FRY: variants seen among roughly 807,000 people sequenced by gnomAD.
FRY encodes the protein FRY microtubule binding protein, also known as protein furry homolog.
In FRY, 128 loss-of-function variants were observed where a neutral mutation model predicts 348.4. The ratio of observed to expected loss-of-function variants is 0.37; its 90% CI spans 0.32 to 0.43. FRY has a LOEUF of 0.43. FRY is among the 20% of genes least tolerant of loss of function. The pLI is 1.00. For missense variants in FRY, 2,736 were observed against 3,695.2 expected (o/e 0.74, Z 6.73); for synonymous variants, 1,370 against 1,374.7 (o/e 1.00, Z 0.08).
chr13:32,297,953 G>A lies in FRY; in HGVS notation c.*2493G>A, dbSNP rs1249345696. 1 of 152,178 alleles carries A rather than the reference G, an allele frequency of 6.6e-6. No individual in the cohort carries two copies. Among genetic ancestry groups the A allele is most frequent in the African/African-American group, 2.4e-5 (1 of 41,444 alleles). 9.4% of individuals were successfully genotyped at this position (152,178 alleles called of 1,614,324 possible). Reference sequence around the variant, plus strand: ...CTGCAGAATAAAGCAATCCAGACAGGCGCTCTGTAACTTAGACATCACTTG... The same window carrying A: ...CTGCAGAATAAAGCAATCCAGACAGACGCTCTGTAACTTAGACATCACTTG... On this transcript the variant is annotated 3_prime_UTR_variant, in exon 61 of 61. Coordinates refer to ENST00000542859, the MANE Select transcript of FRY (RefSeq NM_023037.3).
At chr13:32,073,815 A>G (rs1289521328) in intron 1 of FRY, among the ~76,000 whole-genome samples, 1 of 152,210 alleles carries the variant, frequency 6.6e-6, no homozygotes, top group African/African-American at 2.4e-5. Flanking sequence ...TGTAACATCT[A>G]CGCCACCATT....
At chr13:32,121,973 A>T (rs1258215903) in intron 4 of FRY, among the ~76,000 whole-genome samples, 2 of 152,130 alleles carry the variant, frequency 1.3e-5, no homozygotes, top group East Asian at 3.9e-4. Context: ...AGAGATGAAG[A>T]TCTAGTTTCA....
At chr13:32,219,816 C>T (rs1447391829) in intron 36 of FRY, among the ~76,000 whole-genome samples, 3 of 152,148 alleles carry the variant, frequency 2.0e-5, no homozygotes, top group Non-Finnish European at 4.4e-5. Context: ...ATGCTGCTCA[C>T]TCAGGATAGG....
rs1328052392 is a variant in FRY at position 32,131,775 on chromosome 13, A to G, written c.820A>G (p.Met274Val). Residue 274 changes from methionine (M) to valine (V), a missense_variant, in exon 8 of 61, where the codon ATG becomes GTG. Transcript: ENST00000542859. Reference sequence around the variant, plus strand: ...AAGCATTATCAGCTTAATAATGGGCATGAAATTCTTTCGAATTAAGATGTA... The same window carrying G: ...AAGCATTATCAGCTTAATAATGGGCGTGAAATTCTTTCGAATTAAGATGTA... ...VQSIISLIMG[M>V]KFFRIKMYPV... is the part of the protein sequence containing the mutation. The G allele has an allele frequency of 6.2e-7, 1 of 1,612,932 alleles. No homozygotes were observed. The highest frequency in any genetic ancestry group is 8.5e-7 in the Non-Finnish European group (1 of 1,178,958).
intron 21 of FRY, 139 bp from the exon 22 acceptor site, chr13:32,178,705 A>G (rs1309084735): frequency 2.4e-5 from 17 of 716,176 alleles, no homozygotes; most frequent in Non-Finnish European, 3.7e-5. Flanking sequence ...TTTTCATCCA[A>G]TGCAGATACT....
chr13:32,261,483 G>C, intron 51 of FRY, 133 bp from the exon 52 acceptor site: 1 of 841,118 alleles, frequency 1.2e-6, no homozygotes, highest in Non-Finnish European at 2.1e-6. Context: ...CAAAAGTTTT[G>C]ATACCAAAGT....
At chr13:32,050,877 G>A (rs1419645541) in intron 1 of FRY, among the ~76,000 whole-genome samples, 1 of 152,130 alleles carries the variant, frequency 6.6e-6, no homozygotes, top group Admixed American at 6.5e-5. Context: ...GTACTATCTT[G>A]TGCACTCTCA....
intron 14 of FRY, among the ~76,000 whole-genome samples, chr13:32,153,352 C>T (rs1880917143): frequency 6.6e-6 from 1 of 152,114 alleles, no homozygotes; most frequent in Non-Finnish European, 1.5e-5. Context: ...ACAATGGGTA[C>T]TATTTAGCAA....
chr13:32,179,757 C>T lies in FRY; in HGVS notation c.2954C>T (p.Ser985Phe), dbSNP rs1287363373. 4 of 1,613,378 alleles carry T rather than the reference C, an allele frequency of 2.5e-6. No homozygotes were observed. Among genetic ancestry groups the T allele is most frequent in the Non-Finnish European group, 3.4e-6 (4 of 1,179,494 alleles). ...CTAGAGAGCATTGAGATCACAGAGT[C>T]CTTAGTTTTAGGATTTGGAAGAACA... ...MRLESIEITESLVLGFGRTNS... is the reference protein window; with the variant it reads ...MRLESIEITEFLVLGFGRTNS... The change falls in exon 23 of 61, where the codon TCC becomes TTC. Residue 985 changes from serine (S) to phenylalanine (F), a missense_variant. By Grantham distance (155) the Ser-to-Phe change is radical. This residue lies in a region of FRY where 449 missense variants were observed against 576.9 expected (regional missense o/e 0.78). Transcript: ENST00000542859.
chr13:32,052,965 T>A (rs1333184180), intron 1 of FRY, among the ~76,000 whole-genome samples: 1 of 152,038 alleles, frequency 6.6e-6, no homozygotes, highest in East Asian at 1.9e-4. Flanking sequence ...CGTACAAAAA[T>A]TAGCCAGTGT....
At chr13:32,165,467 T>C (rs1424680123) in intron 17 of FRY, among the ~76,000 whole-genome samples, 2 of 151,990 alleles carry the variant, frequency 1.3e-5, no homozygotes, top group Non-Finnish European at 2.9e-5. Flanking sequence ...CATTCTTTAA[T>C]AGCCTCCAAG....
At chr13:32,129,278 C>T (rs1879209887) in intron 7 of FRY, among the ~76,000 whole-genome samples, 1 of 152,104 alleles carries the variant, frequency 6.6e-6, no homozygotes, top group Non-Finnish European at 1.5e-5. Context: ...AGTCACATTT[C>T]GATCTCAGAA....
At chr13:32,201,303 C>T in intron 29 of FRY, among the ~76,000 whole-genome samples, 1 of 152,164 alleles carries the variant, frequency 6.6e-6, no homozygotes, top group Non-Finnish European at 1.5e-5. Context: ...TACTTGTTTC[C>T]TCTTCAGAAA....
chr13:32,226,522 A>G (rs1885591655), intron 39 of FRY, among the ~76,000 whole-genome samples: 1 of 152,256 alleles, frequency 6.6e-6, no homozygotes, highest in Admixed American at 6.5e-5. Context: ...AACTGAGACA[A>G]AGAAATTACT....
At chr13:32,044,352 A>T (rs1872906361) in intron 1 of FRY, among the ~76,000 whole-genome samples, 1 of 152,164 alleles carries the variant, frequency 6.6e-6, no homozygotes, top group Admixed American at 6.5e-5. Context: ...CCCTATTTAC[A>T]GCCTCCCTAA....
At chr13:32,143,047 G>A (rs1418155579) in intron 11 of FRY, among the ~76,000 whole-genome samples, 2 of 152,044 alleles carry the variant, frequency 1.3e-5, no homozygotes, top group African/African-American at 2.4e-5. Flanking sequence ...AGGCATGCAG[G>A]GAATTGCAAA....
intron 6 of FRY, 28 bp from the exon 7 acceptor site, chr13:32,124,767 C>G (rs1331773984): frequency 6.4e-7 from 1 of 1,572,768 alleles, no homozygotes; most frequent in South Asian, 1.1e-5. Context: ...CCAGGGATCC[C>G]TAACTTGTCT....
rs764241371 is a variant in FRY, at chr13:32,265,453, G to A, written c.7783G>A (p.Glu2595Lys). The A allele has an allele frequency of 6.2e-7, 1 of 1,614,056 alleles. No individual in the cohort carries two copies. Among genetic ancestry groups the A allele is most frequent in the African/African-American group, 1.3e-5 (1 of 75,034 alleles). Reference sequence around the variant, plus strand: ...TTTTGTCTTTTTATTCTTCCAGGCTGAAGCTGTTCGTGAGGAGGAGGACAC... The same window carrying A: ...TTTTGTCTTTTTATTCTTCCAGGCTAAAGCTGTTCGTGAGGAGGAGGACAC... ...NLQISEGSKAEAVREEEDTTV... is the reference protein window; with the variant it reads ...NLQISEGSKAKAVREEEDTTV... The change falls in exon 54 of 61, where the codon GAA (glutamate) becomes AAA (lysine). Residue 2595 changes from glutamate (E) to lysine (K), a missense_variant. By Grantham distance (56) the Glu-to-Lys change is moderately conservative. This residue lies in a region of FRY where 789 missense variants were observed against 996.2 expected (regional missense o/e 0.79). Coordinates refer to ENST00000542859, the MANE Select transcript of FRY (RefSeq NM_023037.3).
chr13:32,058,074 A>G (rs900005447), intron 1 of FRY, among the ~76,000 whole-genome samples: 25 of 152,366 alleles, frequency 1.6e-4, no homozygotes, highest in African/African-American at 6.0e-4. Context: ...CATCAACTTT[A>G]AAGTCATTCA....
Sources: allele counts gnomAD v4.1 joint callset (sites outside exome capture counted in the v4.1 genomes callset), GRCh38; gene constraint gnomAD v4.1.1; regional missense constraint gnomAD v4.1.1; transcripts MANE v1.5; gene names NCBI Gene and HGNC (gene_info 2026-07-23, HGNC 2026-07-21).